Variants in TRPM2 observed in about 807,000 individuals in gnomAD.
The protein encoded by TRPM2 is estrogen-responsive element-associated gene 1 protein.
A neutral mutation model predicts 174.0 loss-of-function variants in TRPM2; 161 were observed. That is an observed-to-expected ratio of 0.93 (90% CI 0.81 to 1.05). The LOEUF (loss-of-function observed/expected upper bound fraction) is 1.05. TRPM2 is among the 50% of genes least tolerant of loss of function. The pLI is 0.00. For synonymous variants in TRPM2, 954 were observed against 861.3 expected (o/e 1.11, Z -1.88); for missense variants, 2,057 against 2,038.0 (o/e 1.01, Z -0.18).
At chr21:44,390,832 GA>G in intron 9 of TRPM2, 71 bp from the exon 10 acceptor site, 1 of 1,600,708 alleles carries the variant, frequency 6.2e-7, no homozygotes, top group Non-Finnish European at 8.5e-7. Context: ...CCCTGACTCT[GA>G]CATCATTTCC....
chr21:44,426,432 T>C (rs1216099203), intron 25 of TRPM2, among the ~76,000 whole-genome samples: 3 of 151,946 alleles, frequency 2.0e-5, no homozygotes, highest in African/African-American at 7.3e-5. Context: ...CACGGCCACC[T>C]GCCCTTCAGC....
chr21:44,386,125 C>T (rs2049008556), intron 9 of TRPM2, among the ~76,000 whole-genome samples: 1 of 152,210 alleles, frequency 6.6e-6, no homozygotes, highest in Admixed American at 6.5e-5. Context: ...ATGGCTCATG[C>T]CTGTAATCTC....
intron 5 of TRPM2, among the ~76,000 whole-genome samples, chr21:44,374,984 G>A (rs12627182): frequency 3.5e-4 from 53 of 152,140 alleles, no homozygotes; most frequent in African/African-American, 1.2e-3. Flanking sequence ...ATGTTGGTGC[G>A]ATCCTCAGCC....
chr21:44,354,845 G>A lies in TRPM2; in HGVS notation c.254+109G>A, dbSNP rs1489475691. On this transcript the variant is annotated intron_variant, in intron 2 of 31. Transcript: ENST00000397928. This position sits in a 1 kb window ranked among gnomAD's most constrained non-coding sequence, Gnocchi z 4.3. ...AGGGCCTCAGTGAAGGGTCACTGGA[G>A]ATACCTCTGTCTCCATACGAGGCTT... 2.1e-6 allele frequency: 2 copies of A among 936,802 alleles called. No individual in the cohort carries two copies. Among genetic ancestry groups the A allele is most frequent in the African/African-American group, 1.6e-5 (1 of 61,510 alleles). The allele number at this position is 936,802 out of a possible 1,614,324, so 58.0% of individuals were successfully genotyped here.
chr21:44,418,860 G>T (rs1601212563), intron 22 of TRPM2, among the ~76,000 whole-genome samples: 1 of 152,342 alleles, frequency 6.6e-6, no homozygotes, highest in East Asian at 1.9e-4. Flanking sequence ...TGGAGGCCTG[G>T]GGGCATGTGC....
chr21:44,370,424 C>T (rs1569026036), intron 5 of TRPM2, among the ~76,000 whole-genome samples: 1 of 152,154 alleles, frequency 6.6e-6, no homozygotes, highest in South Asian at 2.1e-4. Context: ...TGCTTTAATC[C>T]GGAGCCTTGA....
intron 2 of TRPM2, among the ~76,000 whole-genome samples, chr21:44,355,116 T>G (rs1418766047): frequency 6.6e-6 from 1 of 152,176 alleles, no homozygotes; most frequent in African/African-American, 2.4e-5. Context: ...TGGAAGGGCC[T>G]TAGGGAGAGT....
chr21:44,389,732 ATTGT>A (rs1006840312), intron 9 of TRPM2, among the ~76,000 whole-genome samples: 3 of 151,780 alleles, frequency 2.0e-5, no homozygotes, highest in South Asian at 2.1e-4. Flanking sequence ...TTTTTATTTG[ATTGT>A]TTGTCTTCCA....
At position 44,424,864 on chromosome 21, in the gene TRPM2, GC is replaced by G; in HGVS notation, c.3565del (p.Gln1189LysfsTer7). 1 of 1,602,494 alleles carries G rather than the reference GC, an allele frequency of 6.2e-7. No individual in the cohort carries two copies. The highest frequency in any genetic ancestry group is 1.8e-4 in the Middle Eastern group (1 of 5,494). On this transcript the variant is annotated frameshift_variant, in exon 24 of 32. Coordinates refer to ENST00000397928, the MANE Select transcript of TRPM2 (RefSeq NM_003307.4). LOFTEE classifies it high-confidence loss of function. Reference protein sequence around the residue: ...ASLEEQVAQTAQALHWIVRTL... With the variant: ...ASLEEQVAQTXQALHWIVRTL... ...CCATGCCTTCCAGGTGGCCCAGACA[GC>G]CCAAGCCCTGCACTGGATCGTGAGG...
At chr21:44,419,448 T>C (rs887563609) in intron 22 of TRPM2, among the ~76,000 whole-genome samples, 1 of 151,662 alleles carries the variant, frequency 6.6e-6, no homozygotes, top group Non-Finnish European at 1.5e-5. Flanking sequence ...TGAGCACATA[T>C]GCTGGAACTA....
rs2048369360 is a variant in TRPM2, at chr21:44,366,620, C to A, written c.424-134C>A. On this transcript the variant is annotated intron_variant, in intron 3 of 31. Coordinates refer to ENST00000397928, the MANE Select transcript of TRPM2 (RefSeq NM_003307.4). The surrounding 1 kb of genome is among the most constrained non-coding windows in gnomAD (Gnocchi z 6.0). ...CTGTGCCCTGCCCACATGGGGACCC[C>A]TTTTCTGGGTCTGAGCCGGAAAGGT... The A allele has an allele frequency of 8.2e-7, 1 of 1,224,774 alleles. No individual in the cohort carries two copies. The allele number at this position is 1,224,774 out of a possible 1,614,324, so 75.9% of individuals were successfully genotyped here.
Position 44,367,070 on chromosome 21 carries a change from C to T in TRPM2, c.604+136C>T. 9.4e-7 allele frequency: 1 copy of T among 1,060,254 alleles called. No homozygotes were observed. The highest frequency in any genetic ancestry group is 1.3e-6 in the Non-Finnish European group (1 of 756,938). 65.7% of individuals were successfully genotyped at this position (1,060,254 alleles called of 1,614,324 possible). ...AGGCTGTGCCCCAGCCTGAGTCGGA[C>T]CCATGCACCTCTCACCTGGGCACAG... On this transcript the variant is annotated intron_variant, in intron 4 of 31. Transcript: ENST00000397928. The surrounding 1 kb of genome is among the most constrained non-coding windows in gnomAD (Gnocchi z 4.6).
At position 44,417,920 on chromosome 21, in the gene TRPM2, C is replaced by T. The variant is rs749556991; in HGVS notation, c.3147-7C>T. 6.2e-7 allele frequency: 1 copy of T among 1,608,240 alleles called. No homozygotes were observed. Among genetic ancestry groups the T allele is most frequent in the Non-Finnish European group, 8.5e-7 (1 of 1,177,410 alleles). On this transcript the variant is annotated splice_region_variant and splice_polypyrimidine_tract_variant and intron_variant, in intron 20 of 31. Transcript: ENST00000397928. Reference sequence around the variant, plus strand: ...ACCTCGAGGTGTTGCTTTCTCCTCCCTGACAGCTACACCTTCCAGCAGGTG... The same window carrying T: ...ACCTCGAGGTGTTGCTTTCTCCTCCTTGACAGCTACACCTTCCAGCAGGTG...
chr21:44,383,811 T>C (rs2048949125), intron 9 of TRPM2, among the ~76,000 whole-genome samples: 1 of 151,856 alleles, frequency 6.6e-6, no homozygotes, highest in African/African-American at 2.4e-5. Context: ...AAGAAACCAA[T>C]GAAAACAAAA....
At chr21:44,426,478 G>C (rs1004545792) in intron 25 of TRPM2, among the ~76,000 whole-genome samples, 182 bp from the exon 26 acceptor site, 4 of 151,770 alleles carry the variant, frequency 2.6e-5, no homozygotes, top group African/African-American at 9.7e-5. Context: ...CCCAGCCCCC[G>C]GCCCTGCCCA....
chr21:44,408,847 A>G (rs897880902), intron 19 of TRPM2, among the ~76,000 whole-genome samples: 7 of 151,742 alleles, frequency 4.6e-5, no homozygotes, highest in African/African-American at 1.7e-4. Flanking sequence ...TAGTAGATAC[A>G]GAGTTTCACC....
chr21:44,355,304 C>T (rs1337200321), intron 2 of TRPM2, among the ~76,000 whole-genome samples: 1 of 152,218 alleles, frequency 6.6e-6, no homozygotes, highest in East Asian at 1.9e-4. Flanking sequence ...TATGGCCCTC[C>T]GGAGCCGATG....
chr21:44,424,219 C>A (rs1324551774), intron 23 of TRPM2, among the ~76,000 whole-genome samples: 1 of 152,218 alleles, frequency 6.6e-6, no homozygotes, highest in Non-Finnish European at 1.5e-5. Context: ...GTGGATGGCT[C>A]AGCCACCCTG....
chr21:44,435,521 C>T (rs2051210964), intron 28 of TRPM2, among the ~76,000 whole-genome samples: 1 of 151,818 alleles, frequency 6.6e-6, no homozygotes. Flanking sequence ...GGGACACAGC[C>T]CCACACTCAC....
Sources: gnomAD v4.1 joint callset for allele counts (sites outside exome capture counted in the v4.1 genomes callset) on GRCh38, gnomAD v4.1.1 for gene constraint, Gnocchi (gnomAD v3.1) non-coding constraint, MANE v1.5 for transcripts, NCBI Gene and HGNC (gene_info 2026-07-23, HGNC 2026-07-21) for gene names.